The following DNAH10 variants were observed in gnomAD, a reference collection of about 807,000 sequenced individuals.
The protein encoded by DNAH10 is axonemal beta dynein heavy chain 10.
In DNAH10, 348 loss-of-function variants were observed where a neutral mutation model predicts 506.6. That is an observed-to-expected ratio of 0.69 (90% CI 0.63 to 0.75). DNAH10 has a LOEUF of 0.75. Ranked by LOEUF, DNAH10 falls within the 30% of genes least tolerant of loss-of-function variation. The pLI, the probability that DNAH10 is intolerant of heterozygous loss-of-function variation, is 0.00. For missense variants in DNAH10, 5,179 were observed against 5,787.1 expected (o/e 0.89, Z 3.41); for synonymous variants, 2,059 against 2,198.6 (o/e 0.94, Z 1.78).
chr12:123,780,564 C>T (rs1184054350), intron 5 of DNAH10, among the ~76,000 whole-genome samples: 2 of 152,096 alleles, frequency 1.3e-5, no homozygotes, highest in Non-Finnish European at 1.5e-5. Flanking sequence ...AAAATTGATG[C>T]CCTTGGATCA....
intron 3 of DNAH10, among the ~76,000 whole-genome samples, chr12:123,772,106 T>C (rs1387058039): frequency 6.6e-6 from 1 of 152,116 alleles, no homozygotes; most frequent in Non-Finnish European, 1.5e-5. Context: ...AGCCTTGCTG[T>C]CTGGGGTTTT....
chr12:123,790,200 T>C, intron 11 of DNAH10, 79 bp downstream of exon 11: 1 of 1,392,496 alleles, frequency 7.2e-7, no homozygotes, highest in East Asian at 2.4e-5. Flanking sequence ...GGTTATTTAG[T>C]GATGCTTAGT....
At chr12:123,844,086 G>C (rs145838808) in intron 30 of DNAH10, among the ~76,000 whole-genome samples, 256 of 152,300 alleles carry the variant, frequency 1.7e-3, no homozygotes, top group African/African-American at 5.8e-3. Context: ...GAAACTTACA[G>C]TCATGGCGGA....
At position 123,846,515 on chromosome 12, in the gene DNAH10, C is replaced by A. The variant is rs1045004626; in HGVS notation, c.5814+361C>A. ...AGAATATATCCGTTCAAGTGAACGG[C>A]CTTGGATGATAGAGATAGTGTCTCC... On this transcript the variant is annotated intron_variant, in intron 32 of 78. Transcript: ENST00000673944. The surrounding 1 kb of genome is among the most constrained non-coding windows in gnomAD (Gnocchi z 4.5). 6.6e-6 allele frequency among the ~76,000 whole-genome samples: 1 copy of A among 152,150 alleles called. No individual in the cohort carries two copies. Among genetic ancestry groups the A allele is most frequent in the Non-Finnish European group, 1.5e-5 (1 of 68,046 alleles).
At chr12:123,817,296 G>A (rs1473498365) in intron 21 of DNAH10, among the ~76,000 whole-genome samples, 1 of 151,112 alleles carries the variant, frequency 6.6e-6, no homozygotes, top group Non-Finnish European at 1.5e-5. Flanking sequence ...AACAGTTTTT[G>A]CCTTATTTTT....
In DNAH10 at chr12:123,787,023, C is replaced by A. The variant is rs1957882067; in HGVS notation, c.1422-781C>A. ...GTGTGGTGGTGGGCGCCTGTAATCC[C>A]AGCCACTCAGGAGGCTGAGGCAGGA... On this transcript the variant is annotated intron_variant, in intron 9 of 78. Transcript: ENST00000673944. This position sits in a 1 kb window ranked among gnomAD's most constrained non-coding sequence, Gnocchi z 4.6. Among the ~76,000 whole-genome samples, 2 of 152,120 alleles carry A rather than the reference C, an allele frequency of 1.3e-5. No individual in the cohort carries two copies. The highest frequency in any genetic ancestry group is 6.5e-5 in the Admixed American group (1 of 15,282).
intron 46 of DNAH10, 60 bp downstream of exon 46, chr12:123,873,770 G>T (rs1319220022): frequency 2.2e-6 from 3 of 1,385,632 alleles, no homozygotes; most frequent in Middle Eastern, 1.8e-4. Context: ...GTTTGCATGG[G>T]TGTGTGTGTG....
At position 123,913,331 on chromosome 12, in the gene DNAH10, G is replaced by T; in HGVS notation, c.10352+16G>T. ...AAAACATCAGGTTAGCGCTGCTCAC[G>T]AGCCCACCTGTTGCGGTTTGTAAAC... On this transcript the variant is annotated intron_variant, in intron 60 of 78. Transcript: ENST00000673944. This position sits in a 1 kb window ranked among gnomAD's most constrained non-coding sequence, Gnocchi z 5.1. The T allele has an allele frequency of 6.4e-7, 1 of 1,562,430 alleles. No homozygotes were observed. The highest frequency in any genetic ancestry group is 8.7e-7 in the Non-Finnish European group (1 of 1,153,128).
At chr12:123,868,891 C>T (rs1951915160) in intron 43 of DNAH10, among the ~76,000 whole-genome samples, 1 of 152,258 alleles carries the variant, frequency 6.6e-6, no homozygotes, top group South Asian at 2.1e-4. Flanking sequence ...TTTTCCAGAA[C>T]TGAAATCTCC....
intron 65 of DNAH10, among the ~76,000 whole-genome samples, chr12:123,921,409 T>C (rs1213552782): frequency 6.6e-6 from 1 of 152,244 alleles, no homozygotes; most frequent in Non-Finnish European, 1.5e-5. Flanking sequence ...GAGACCCTGC[T>C]TTATCTTTTC....
chr12:123,861,948 G>A lies in DNAH10; in HGVS notation c.6908+778G>A, dbSNP rs139515008. ...GGCATTCTTTAATTTTGAGCAGTTC[G>A]TCAGGATTTCTTTATCTTTTATGAC... On this transcript the variant is annotated intron_variant, in intron 39 of 78. Transcript: ENST00000673944. 1.5e-4 allele frequency among the ~76,000 whole-genome samples: 23 copies of A among 152,276 alleles called. No homozygotes were observed. In the East Asian group the frequency reaches 3.9e-3, roughly 26 times the overall value.
chr12:123,848,216 C>G (rs1046160207), intron 33 of DNAH10, 121 bp downstream of exon 33: 13 of 1,390,624 alleles, frequency 9.3e-6, no homozygotes, highest in Admixed American at 2.2e-5. Flanking sequence ...AGAAAACCTT[C>G]CACCACCACA....
chr12:123,765,568 C>CTATCTATG (rs1956999503), intron 1 of DNAH10, among the ~76,000 whole-genome samples: 1 of 127,014 alleles, frequency 7.9e-6, no homozygotes, highest in Non-Finnish European at 1.8e-5. Context: ...TATACTTTAT[C>CTATCTATG]TATCTATCTA....
At chr12:123,832,333 A>G (rs971539936) in intron 26 of DNAH10, among the ~76,000 whole-genome samples, 2 of 152,208 alleles carry the variant, frequency 1.3e-5, no homozygotes, top group African/African-American at 2.4e-5. Context: ...ACGTACATAT[A>G]ATGTACACAC....
chr12:123,861,015 T>G lies in DNAH10; in HGVS notation c.6753T>G (p.Leu2251=). Residue 2251 remains leucine (L), a synonymous_variant, in exon 39 of 79, where the codon CTT becomes CTG. Transcript: ENST00000673944. ...INTLCQAQTK[L]GLTTKLYILN... ...GCTAAAGCCTCTCTTGATTTAGGCT[T>G]GGGCTGACGACAAAGTTGTACATCC... 1.2e-6 allele frequency: 2 copies of G among 1,613,978 alleles called. No individual in the cohort carries two copies. Among genetic ancestry groups the G allele is most frequent in the Non-Finnish European group, 1.7e-6 (2 of 1,179,890 alleles).
rs890113575 is a variant in DNAH10 at position 123,772,902 on chromosome 12, C to G, written c.465C>G (p.Phe155Leu). 1 of 1,613,090 alleles carries G rather than the reference C, an allele frequency of 6.2e-7. No homozygotes were observed. The highest frequency in any genetic ancestry group is 2.2e-5 in the East Asian group (1 of 44,844). The part of the protein sequence containing the change: ...HMLCTPLPEE[F>L]LDQNVVFFLR... ...TCTGTACCCCTCTTCCCGAGGAGTT[C>G]CTGGACCAAAACGTGGTGTTTTTCC... The change falls in exon 4 of 79, where the codon TTC (phenylalanine) becomes TTG (leucine). Residue 155 changes from phenylalanine to leucine, a missense_variant. Around this residue, in one of 3 missense-constraint regions of DNAH10, gnomAD observed 326 missense variants for 330.8 expected, o/e 0.99. Transcript: ENST00000673944.
chr12:123,767,810 G>C (rs1957103998), intron 2 of DNAH10, 121 bp downstream of exon 2: 1 of 820,152 alleles, frequency 1.2e-6, no homozygotes, highest in Non-Finnish European at 2.0e-6. Flanking sequence ...ACCACAAAGA[G>C]AAAGTGCTGG....
intron 41 of DNAH10, among the ~76,000 whole-genome samples, chr12:123,866,470 C>G (rs1255990701): frequency 6.6e-6 from 1 of 151,714 alleles, no homozygotes; most frequent in East Asian, 1.9e-4. Flanking sequence ...GTCTCGATCT[C>G]TTGAGCTCGT....
intron 40 of DNAH10, 34 bp from the exon 41 acceptor site, chr12:123,865,917 C>CT (rs1463680391): frequency 6.3e-7 from 1 of 1,584,380 alleles, no homozygotes; most frequent in Non-Finnish European, 8.6e-7. Context: ...TTGTGTATAG[C>CT]TATAGCCATG....
Sources: allele counts gnomAD v4.1 joint callset (sites outside exome capture counted in the v4.1 genomes callset), GRCh38; gene constraint gnomAD v4.1.1; regional missense constraint gnomAD v4.1.1; non-coding constraint Gnocchi (gnomAD v3.1); transcripts MANE v1.5; gene names NCBI Gene and HGNC (gene_info 2026-07-23, HGNC 2026-07-21).